CEP295: variants seen among roughly 807,000 people sequenced by gnomAD.
CEP295 encodes the protein centrosomal protein 295.
CEP295 carries 190 observed loss-of-function variants against 291.6 expected under a neutral mutation model. The ratio of observed to expected loss-of-function variants is 0.65; its 90% CI spans 0.58 to 0.73. The LOEUF (loss-of-function observed/expected upper bound fraction) is 0.73. CEP295 is among the 30% of genes least tolerant of loss of function. The pLI is 0.00. For synonymous variants in CEP295, 993 were observed against 1,038.8 expected (o/e 0.96, Z 0.85); for missense variants, 2,863 against 2,949.4 (o/e 0.97, Z 0.68).
Position 93,697,477 on chromosome 11 carries a change from C to T in CEP295, c.2565C>T (p.Asp855=). The change falls in exon 15 of 30, where the codon GAC becomes GAT. Residue 855 remains aspartate (D), a synonymous_variant. Coordinates refer to ENST00000325212, the MANE Select transcript of CEP295 (RefSeq NM_033395.2). ...GNMKALQEQL[D]LQKKVLQATQ... is the part of the protein sequence containing the mutation. The stretch of plus-strand genomic sequence containing the variant: ...TGAAGGCCCTCCAAGAACAGTTAGA[C>T]CTACAGAAGAAAGTTCTTCAGGCAA... 6.4e-7 allele frequency: 1 copy of T among 1,551,956 alleles called. No individual in the cohort carries two copies. Among genetic ancestry groups the T allele is most frequent in the Admixed American group, 2.0e-5 (1 of 50,998 alleles).
chr11:93,669,957 A>C (rs1950356341), intron 5 of CEP295, among the ~76,000 whole-genome samples, 187 bp downstream of exon 5: 1 of 152,112 alleles, frequency 6.6e-6, no homozygotes, highest in Admixed American at 6.6e-5. Context: ...TAAATACTTT[A>C]GTATGTATCT....
Position 93,698,933 on chromosome 11 carries a change from T to C in CEP295, c.4021T>C (p.Ser1341Pro). The change falls in exon 15 of 30, where the codon TCG becomes CCG. Residue 1341 changes from serine (S) to proline (P), a missense_variant. By Grantham distance (74) the Ser-to-Pro change is moderately conservative. Transcript: ENST00000325212. ...PQLQDRLLRI[S>P]QLIQPQQDNL... ...ATTGCAGGATAGGCTTTTGAGGATA[T>C]CGCAACTTATCCAGCCTCAACAAGA... 2 of 1,551,562 alleles carry C rather than the reference T, an allele frequency of 1.3e-6. No homozygotes were observed. Among genetic ancestry groups the C allele is most frequent in the Non-Finnish European group, 1.7e-6 (2 of 1,146,984 alleles).
chr11:93,723,050 C>G lies in CEP295; in HGVS notation c.5957C>G (p.Ser1986Ter). Residue 1986 changes from serine (S) to a stop codon, truncating the protein, a stop_gained, in exon 21 of 30, where the codon TCA (serine) becomes TGA (stop). Transcript: ENST00000325212. LOFTEE classifies it high-confidence loss of function. The stretch of plus-strand genomic sequence containing the variant: ...TAAACTCAATTTTCAGAGTCATTTT[C>G]AGAGCACATGGATGATAGCAAGCAA... Reference protein sequence around the residue: ...DLSLTDPESFSEHMDDSKQES... With the variant: ...DLSLTDPESF 1 of 1,549,916 alleles carries G rather than the reference C, an allele frequency of 6.5e-7. No individual in the cohort carries two copies. Among genetic ancestry groups the G allele is most frequent in the South Asian group, 1.2e-5 (1 of 83,772 alleles).
chr11:93,692,180 G>A (rs942791057), intron 12 of CEP295, 150 bp downstream of exon 12: 52 of 582,588 alleles, frequency 8.9e-5, no homozygotes, highest in South Asian at 4.9e-4. Flanking sequence ...CTGATAAAAT[G>A]CGTGTTGTCT....
At position 93,697,781 on chromosome 11, in the gene CEP295, T is replaced by C. The variant is rs1224742185; in HGVS notation, c.2869T>C (p.Leu957=). The C allele has an allele frequency of 6.4e-7, 1 of 1,551,620 alleles. No homozygotes were observed. The highest frequency in any genetic ancestry group is 2.4e-5 in the East Asian group (1 of 40,934). Residue 957 remains leucine (L), a synonymous_variant, in exon 15 of 30, where the codon TTG becomes CTG. Transcript: ENST00000325212. ...QNNFKFLQEQ[L]NIQKDSLQAR... is the part of the protein sequence containing the mutation. Reference sequence around the variant, plus strand: ...TAATTTTAAATTTCTCCAAGAGCAGTTGAATATTCAGAAGGATAGCCTTCA... The same window carrying C: ...TAATTTTAAATTTCTCCAAGAGCAGCTGAATATTCAGAAGGATAGCCTTCA...
chr11:93,729,042 T>C, intron 25 of CEP295: 1 of 531,420 alleles, frequency 1.9e-6, no homozygotes, highest in Non-Finnish European at 3.3e-6. Flanking sequence ...TCTCCAAGAC[T>C]GGCAGAACTA....
intron 18 of CEP295, among the ~76,000 whole-genome samples, chr11:93,708,072 A>G (rs1258685303): frequency 6.6e-6 from 1 of 152,122 alleles, no homozygotes; most frequent in African/African-American, 2.4e-5. Context: ...AGGTGTATCT[A>G]TTTATGGGGT....
At position 93,702,919 on chromosome 11, in the gene CEP295, G is replaced by A; in HGVS notation, c.5596G>A (p.Gly1866Ser). ...AGCAATTGGCAGAACTTCTATACTA[G>A]GTAAATAGATGCTTTGATAAAACAA... ...SPAIGRTSIL[G>S]KPGIYEDRDP... Residue 1866 changes from glycine to serine, a missense_variant and splice_region_variant, in exon 17 of 30, where the codon GGT becomes AGT. Physicochemically the swap from Gly to Ser is moderately conservative, Grantham distance 56 (BLOSUM62 0). Coordinates refer to ENST00000325212, the MANE Select transcript of CEP295 (RefSeq NM_033395.2). The A allele has an allele frequency of 6.5e-6, 10 of 1,528,642 alleles. No homozygotes were observed. The highest frequency in any genetic ancestry group is 8.8e-6 in the Non-Finnish European group (10 of 1,140,106). 94.7% of individuals were successfully genotyped at this position (1,528,642 alleles called of 1,614,324 possible).
intron 7 of CEP295, among the ~76,000 whole-genome samples, chr11:93,682,257 T>G (rs1951011535): frequency 6.6e-6 from 1 of 152,194 alleles, no homozygotes; most frequent in South Asian, 2.1e-4. Flanking sequence ...AGTGTCTCAC[T>G]CTGTTGCCCA....
At chr11:93,694,202 AAAC>A (rs1420521174) in intron 12 of CEP295, among the ~76,000 whole-genome samples, 2 of 152,222 alleles carry the variant, frequency 1.3e-5, no homozygotes, top group Non-Finnish European at 2.9e-5. Flanking sequence ...TTATATAAGA[AAAC>A]AACGTGCATT....
At chr11:93,714,397 C>T (rs866780793) in intron 18 of CEP295, among the ~76,000 whole-genome samples, 3 of 152,242 alleles carry the variant, frequency 2.0e-5, no homozygotes, top group South Asian at 2.1e-4. Flanking sequence ...ACTACAGGCG[C>T]GTGCCACCAC....
intron 14 of CEP295, 115 bp from the exon 15 acceptor site, chr11:93,696,562 ATTTCT>A: frequency 9.2e-7 from 1 of 1,088,900 alleles, no homozygotes; most frequent in Non-Finnish European, 1.3e-6. Context: ...TGTGAGTGTA[ATTTCT>A]TTTCACCATG....
Position 93,729,519 on chromosome 11 carries a change from C to T in CEP295, c.7388C>T (p.Thr2463Ile). 6.4e-7 allele frequency: 1 copy of T among 1,551,448 alleles called. No homozygotes were observed. Among genetic ancestry groups the T allele is most frequent in the Non-Finnish European group, 8.7e-7 (1 of 1,146,608 alleles). The stretch of plus-strand genomic sequence containing the variant: ...GAACTTTCCATAGAAAAACCAAGGA[C>T]AGCATCTACAGGTAAGCCTTGGACG... ...VSELSIEKPR[T>I]ASTETPRRLT... The change falls in exon 26 of 30, where the codon ACA becomes ATA. Residue 2463 changes from threonine to isoleucine, a missense_variant. By Grantham distance (89) the Thr-to-Ile change is moderately conservative. This residue lies in a region of CEP295 where 2,295 missense variants were observed against 2,335.7 expected (regional missense o/e 0.98). Transcript: ENST00000325212.
chr11:93,707,734 G>A (rs1398884517), intron 18 of CEP295, among the ~76,000 whole-genome samples: 2 of 151,850 alleles, frequency 1.3e-5, no homozygotes, highest in East Asian at 3.9e-4. Context: ...GGGCGACAGA[G>A]CGAGACTCCG....
At chr11:93,705,677 T>G (rs1952466326) in intron 17 of CEP295, among the ~76,000 whole-genome samples, 1 of 152,194 alleles carries the variant, frequency 6.6e-6, no homozygotes, top group Non-Finnish European at 1.5e-5. Context: ...TTTACATTTT[T>G]TAGTTCTTTC....
intron 4 of CEP295, 67 bp downstream of exon 4, chr11:93,668,999 G>T: frequency 1.3e-6 from 1 of 768,656 alleles, no homozygotes; most frequent in Non-Finnish European, 2.1e-6. Context: ...GGATACATAG[G>T]ATACTGTGTA....
chr11:93,694,286 A>G (rs1951741285), intron 12 of CEP295, among the ~76,000 whole-genome samples: 1 of 152,200 alleles, frequency 6.6e-6, no homozygotes, highest in Admixed American at 6.5e-5. Flanking sequence ...GCTTATCCAC[A>G]GTGTATATGT....
intron 12 of CEP295, among the ~76,000 whole-genome samples, chr11:93,693,288 A>T (rs534308371): frequency 1.3e-5 from 2 of 152,052 alleles, no homozygotes; most frequent in Admixed American, 6.6e-5. Flanking sequence ...AAAAAAAAAA[A>T]TCCTCCTTAA....
chr11:93,709,736 A>G (rs1034795024), intron 18 of CEP295, among the ~76,000 whole-genome samples: 10 of 152,104 alleles, frequency 6.6e-5, no homozygotes, highest in African/African-American at 1.9e-4. Flanking sequence ...TTTGGGTAGT[A>G]TGGACATTTT....
Sources: allele counts gnomAD v4.1 joint callset (sites outside exome capture counted in the v4.1 genomes callset), GRCh38; gene constraint gnomAD v4.1.1; regional missense constraint gnomAD v4.1.1; transcripts MANE v1.5; gene names NCBI Gene and HGNC (gene_info 2026-07-23, HGNC 2026-07-21).